The following SYNE1 variants were observed in gnomAD, a reference collection of about 807,000 sequenced individuals.
The protein encoded by SYNE1 is nesprin-1.
Under a neutral mutation model 1,111.0 loss-of-function variants are expected in SYNE1, and 616 were observed. The ratio of observed to expected loss-of-function variants is 0.55; its 90% CI spans 0.52 to 0.59. The LOEUF (loss-of-function observed/expected upper bound fraction) is 0.59, where lower values mean the gene tolerates loss of function less well. Ranked by LOEUF, SYNE1 falls within the 20% of genes least tolerant of loss-of-function variation. The pLI is 0.00. For synonymous variants in SYNE1, 3,855 were observed against 3,825.8 expected, an observed-to-expected ratio of 1.01 and a Z score of -0.28; for missense variants, 10,006 against 10,417.0, an observed-to-expected ratio of 0.96 and a Z score of 1.72.
At chr6:152,533,130 A>G (rs958772323) in intron 4 of SYNE1, among the ~76,000 whole-genome samples, 4 of 152,186 alleles carry the variant, frequency 2.6e-5, no homozygotes, top group Non-Finnish European at 4.4e-5. Context: ...CTTCAGAAAC[A>G]AAGTGTAGTA....
At chr6:152,248,673 A>C (rs1474148925) in intron 105 of SYNE1, among the ~76,000 whole-genome samples, 1 of 152,168 alleles carries the variant, frequency 6.6e-6, no homozygotes, top group African/African-American at 2.4e-5. Context: ...GAATTCTCTA[A>C]CAATTTGTGC....
chr6:152,284,876 A>G (rs2094241479), intron 95 of SYNE1, among the ~76,000 whole-genome samples: 2 of 151,928 alleles, frequency 1.3e-5, no homozygotes, highest in Admixed American at 6.6e-5. Flanking sequence ...TCCAAAACTC[A>G]CATGGTTTCT....
intron 63 of SYNE1, among the ~76,000 whole-genome samples, chr6:152,364,202 G>A (rs1007495173): frequency 2.6e-5 from 4 of 152,106 alleles, no homozygotes; most frequent in East Asian, 3.9e-4. Context: ...TTCCCCTTCC[G>A]CCACGATTGT....
At chr6:152,170,730 T>A (rs1425624703) in intron 130 of SYNE1, among the ~76,000 whole-genome samples, 1 of 152,230 alleles carries the variant, frequency 6.6e-6, no homozygotes, top group Non-Finnish European at 1.5e-5. Context: ...GTGTTTTACC[T>A]CCACAGCCTT....
rs569994707 is a variant in SYNE1 at position 152,511,676 on chromosome 6, G to A, written c.310-573C>T. 22 of 1,398,240 alleles carry A rather than the reference G, an allele frequency of 1.6e-5. No homozygotes were observed. The South Asian group carries it at 2.6e-4, about 16-fold the overall frequency. 86.6% of individuals were successfully genotyped at this position (1,398,240 alleles called of 1,614,324 possible). On this transcript the variant is annotated intron_variant, in intron 6 of 145. Coordinates refer to ENST00000367255, the MANE Select transcript of SYNE1 (RefSeq NM_182961.4). Reference sequence around the variant, plus strand: ...GCATTATTTGTTCAAAGGGAATAAAGAGGTAGGTAGTCAGTTTAGAACCTG... The same window carrying A: ...GCATTATTTGTTCAAAGGGAATAAAAAGGTAGGTAGTCAGTTTAGAACCTG...
chr6:152,536,363 A>T (rs1227663713), intron 4 of SYNE1, among the ~76,000 whole-genome samples: 1 of 97,814 alleles, frequency 1.0e-5, no homozygotes, highest in African/African-American at 3.1e-5. Context: ...ATAGTATACT[A>T]ATATATATAT....
intron 16 of SYNE1, among the ~76,000 whole-genome samples, chr6:152,471,047 T>A (rs185326588): frequency 6.6e-6 from 1 of 152,228 alleles, no homozygotes; most frequent in Admixed American, 6.5e-5. Flanking sequence ...AGATAATCCT[T>A]AAAAATTAAG....
chr6:152,283,506 T>C (rs561511461), intron 96 of SYNE1, among the ~76,000 whole-genome samples: 1 of 152,332 alleles, frequency 6.6e-6, no homozygotes, highest in East Asian at 1.9e-4. Flanking sequence ...CTGTACTCTA[T>C]TCGGGAGACT....
intron 73 of SYNE1, among the ~76,000 whole-genome samples, chr6:152,345,838 C>T (rs1168504213): frequency 6.6e-6 from 1 of 152,178 alleles, no homozygotes; most frequent in Non-Finnish European, 1.5e-5. Flanking sequence ...ACCCCTCTTA[C>T]ACTTATTTCT....
chr6:152,180,663 GA>G (rs147340968), intron 128 of SYNE1, among the ~76,000 whole-genome samples: 4 of 149,052 alleles, frequency 2.7e-5, no homozygotes, highest in Non-Finnish European at 4.5e-5. Context: ...AAGAAGGGAG[GA>G]AAAAAAAGGA....
intron 130 of SYNE1, among the ~76,000 whole-genome samples, chr6:152,169,917 T>A (rs2153078778): frequency 6.6e-6 from 1 of 152,244 alleles, no homozygotes; most frequent in Admixed American, 6.5e-5. Context: ...ATTCTTCTTA[T>A]ATTAATGTAT....
intron 82 of SYNE1, among the ~76,000 whole-genome samples, chr6:152,322,562 T>C (rs1041309698): frequency 2.6e-5 from 4 of 152,200 alleles, no homozygotes; most frequent in Non-Finnish European, 2.9e-5. Flanking sequence ...TGGCTATTAT[T>C]TACCTGGACT....
chr6:152,310,574 T>G, intron 88 of SYNE1, 56 bp from the exon 89 acceptor site: 1 of 1,612,958 alleles, frequency 6.2e-7, no homozygotes, highest in Non-Finnish European at 8.5e-7. Flanking sequence ...AGGGGAAGAA[T>G]AACATCACAG....
At chr6:152,365,312 T>C (rs2097051389) in intron 62 of SYNE1, among the ~76,000 whole-genome samples, 1 of 152,158 alleles carries the variant, frequency 6.6e-6, no homozygotes. Context: ...AAAAATATAG[T>C]ACAGTAGAAT....
chr6:152,310,791 C>T lies in SYNE1; in HGVS notation c.16793G>A (p.Cys5598Tyr). ...EKLQYLTSVY[C>Y]TEKMSQQVAE... ...CACTTGCTGAGACATTTTTTCTGTA[C>T]AGTACACGCTAGTGAGGTACTGTAA... Residue 5598 changes from cysteine (C) to tyrosine (Y), a missense_variant, in exon 88 of 146, where the codon TGT (cysteine) becomes TAT (tyrosine). Physicochemically the swap from Cys to Tyr is radical, Grantham distance 194. This residue lies in a region of SYNE1 where 4,955 missense variants were observed against 5,017.2 expected (regional missense o/e 0.99). Coordinates refer to ENST00000367255, the MANE Select transcript of SYNE1 (RefSeq NM_182961.4). 1 of 1,614,062 alleles carries T rather than the reference C, an allele frequency of 6.2e-7. No homozygotes were observed. The highest frequency in any genetic ancestry group is 8.5e-7 in the Non-Finnish European group (1 of 1,180,014).
chr6:152,566,217 T>C (rs1378986481), intron 3 of SYNE1, among the ~76,000 whole-genome samples: 1 of 152,014 alleles, frequency 6.6e-6, no homozygotes, highest in Non-Finnish European at 1.5e-5. Context: ...CACAGCCCAC[T>C]GAGATAAGAG....
intron 61 of SYNE1, 159 bp downstream of exon 61, chr6:152,368,813 T>C (rs1591281204): frequency 4.6e-6 from 4 of 869,432 alleles, no homozygotes; most frequent in Admixed American, 3.6e-5. Context: ...TGAACTCAGA[T>C]TGCAAGGCTA....
chr6:152,546,668 A>G (rs1286436550), intron 3 of SYNE1: 2 of 152,166 alleles, frequency 1.3e-5, no homozygotes, highest in Admixed American at 6.5e-5. Flanking sequence ...GTATATTCCT[A>G]TTTTTGGGGA....
chr6:152,164,932 G>C (rs946670721), intron 130 of SYNE1, among the ~76,000 whole-genome samples: 2 of 152,098 alleles, frequency 1.3e-5, no homozygotes, highest in African/African-American at 4.8e-5. Context: ...AACTGAAGAG[G>C]TATCTATCTT....
Sources: gnomAD v4.1 joint callset for allele counts (sites outside exome capture counted in the v4.1 genomes callset) on GRCh38, gnomAD v4.1.1 for gene constraint, gnomAD v4.1.1 regional missense constraint, MANE v1.5 for transcripts, NCBI Gene and HGNC (gene_info 2026-07-23, HGNC 2026-07-21) for gene names.